The following TPT1 variants were observed in gnomAD, a reference collection of about 807,000 sequenced individuals.
The protein encoded by TPT1 is tumor protein, translationally-controlled 1.
In TPT1, 5 loss-of-function variants were observed where a neutral mutation model predicts 22.8. That is an observed-to-expected ratio of 0.22 (90% confidence interval 0.11 to 0.46). The LOEUF is 0.46. Ranked by LOEUF, TPT1 falls within the 20% of genes least tolerant of loss-of-function variation. TPT1 has a pLI of 0.99. For missense variants in TPT1, 130 were observed against 218.7 expected, an observed-to-expected ratio of 0.59 and a Z score of 2.56; for synonymous variants, 89 against 73.6, an observed-to-expected ratio of 1.21 and a Z score of -1.07.
chr13:45,340,496 T>A, intron 2 of TPT1: 1 of 755,428 alleles, frequency 1.3e-6, no homozygotes, highest in Non-Finnish European at 2.3e-6. Context: ...AAGCATCATG[T>A]CCCGGACAAC....
chr13:45,340,383 A>T, intron 2 of TPT1, 199 bp from the exon 3 acceptor site: 1 of 862,894 alleles, frequency 1.2e-6, no homozygotes, highest in East Asian at 2.6e-5. Context: ...CGGAACAAAA[A>T]ATGGGGTCAT....
intron 1 of TPT1, 127 bp from the exon 2 acceptor site, chr13:45,340,912 G>A (rs1406005546): frequency 2.7e-6 from 4 of 1,508,110 alleles, no homozygotes; most frequent in South Asian, 2.5e-5. Context: ...CGAGCCCCGG[G>A]CACCGACCCC....
rs1878562932 is a variant in TPT1, at chr13:45,334,679, T to C, written c.*2707A>G. On this transcript the variant is annotated 3_prime_UTR_variant, in exon 6 of 6. Transcript: ENST00000530705. The stretch of plus-strand genomic sequence containing the variant: ...CTATCTTTGCCTTAAAAACACATTA[T>C]ACACAATTATTCTATGCTTTTACCC... The C allele has an allele frequency of 1.3e-5, 2 of 152,198 alleles. No individual in the cohort carries two copies. The highest frequency in any genetic ancestry group is 4.1e-4 in the South Asian group (2 of 4,828). 9.4% of individuals were successfully genotyped at this position (152,198 alleles called of 1,614,324 possible).
At position 45,335,229 on chromosome 13, in the gene TPT1, C is replaced by G. The variant is rs1370809416; in HGVS notation, c.*2157G>C. 6.6e-6 allele frequency: 1 copy of G among 152,126 alleles called. No individual in the cohort carries two copies. The highest frequency in any genetic ancestry group is 1.5e-5 in the Non-Finnish European group (1 of 68,030). The allele number at this position is 152,126 out of a possible 1,614,324, so 9.4% of individuals were successfully genotyped here. A position where few individuals can be genotyped will look rare whatever the true frequency, so the allele number is the denominator to read the frequency against. On this transcript the variant is annotated 3_prime_UTR_variant, in exon 6 of 6. Transcript: ENST00000530705. Reference sequence around the variant, plus strand: ...CTGAGAAGATTCTACCTGGAATCTTCAAAGGTTTACCATGAGGTAAACAGC... The same window carrying G: ...CTGAGAAGATTCTACCTGGAATCTTGAAAGGTTTACCATGAGGTAAACAGC...
chr13:45,339,450 C>A, intron 4 of TPT1, 47 bp downstream of exon 4: 3 of 1,521,194 alleles, frequency 2.0e-6, no homozygotes, highest in Non-Finnish European at 2.7e-6. Flanking sequence ...TTTGCTCTTG[C>A]AGTTAAAATT....
intron 4 of TPT1, 24 bp downstream of exon 4, chr13:45,339,473 G>A (rs930014513): frequency 6.3e-7 from 1 of 1,591,250 alleles, no homozygotes; most frequent in Non-Finnish European, 8.6e-7. Context: ...ACAATCCTTT[G>A]ATCCAGATAC....
rs751541731 is a variant in TPT1 at position 45,341,171 on chromosome 13, G to A, written c.-102C>T. ...GAGCGGCGCTCGGGGGGAGGGGGGA[G>A]CGGGCGGAAAAGGCCGACTCAGCCG... On this transcript the variant is annotated 5_prime_UTR_variant, in exon 1 of 6. Transcript: ENST00000530705. The A allele has an allele frequency of 2.6e-6, 4 of 1,533,240 alleles. No homozygotes were observed. Among genetic ancestry groups the A allele is most frequent in the South Asian group, 1.2e-5 (1 of 85,906 alleles). 95.0% of individuals were successfully genotyped at this position (1,533,240 alleles called of 1,614,324 possible). A position where few individuals can be genotyped will look rare whatever the true frequency, so the allele number is the denominator to read the frequency against.
chr13:45,337,713 C>A, intron 5 of TPT1: 1 of 707,622 alleles, frequency 1.4e-6, no homozygotes, highest in Non-Finnish European at 2.5e-6. Context: ...GTCTGAATAA[C>A]CCCTTTGGTA....
rs1878662875 is a variant in TPT1, at chr13:45,336,064, T to C, written c.*1322A>G. The C allele has an allele frequency of 6.6e-6, 1 of 152,228 alleles. No homozygotes were observed. The highest frequency in any genetic ancestry group is 2.4e-5 in the African/African-American group (1 of 41,448). 9.4% of individuals were successfully genotyped at this position (152,228 alleles called of 1,614,324 possible). On this transcript the variant is annotated 3_prime_UTR_variant, in exon 6 of 6. Transcript: ENST00000530705. ...CCCCTCCCAGGCTAGGCCTGCACTT[T>C]GGGAGGCTGAGGTGGGCAGATCTCC...
At chr13:45,340,950 C>A in intron 1 of TPT1, 92 bp downstream of exon 1, 1 of 1,547,670 alleles carries the variant, frequency 6.5e-7, no homozygotes, top group Non-Finnish European at 8.7e-7. Context: ...CCGCCGGCGT[C>A]CCCTAGGCCC....
rs1878595547 is a variant in TPT1, at chr13:45,335,213, T to G, written c.*2173A>C. On this transcript the variant is annotated 3_prime_UTR_variant, in exon 6 of 6. Transcript: ENST00000530705. ...AGACAGTCTTCAAAGTCTGAGAAGATTCTACCTGGAATCTTCAAAGGTTTA... is the reference window on the plus strand; with the variant it reads ...AGACAGTCTTCAAAGTCTGAGAAGAGTCTACCTGGAATCTTCAAAGGTTTA... 6.6e-6 allele frequency: 1 copy of G among 152,220 alleles called. No individual in the cohort carries two copies. The highest frequency in any genetic ancestry group is 6.5e-5 in the Admixed American group (1 of 15,270). 9.4% of individuals were successfully genotyped at this position (152,220 alleles called of 1,614,324 possible). A position where few individuals can be genotyped will look rare whatever the true frequency, so the allele number is the denominator to read the frequency against.
intron 2 of TPT1, 26 bp downstream of exon 2, chr13:45,340,686 C>G (rs765631852): frequency 2.6e-6 from 4 of 1,560,768 alleles, no homozygotes; most frequent in Non-Finnish European, 3.5e-6. Flanking sequence ...CCCGGACTCC[C>G]CCACGCGCAG....
At chr13:45,340,388 G>A (rs535605332) in intron 2 of TPT1, 7 of 854,888 alleles carry the variant, frequency 8.2e-6, no homozygotes, top group Non-Finnish European at 1.3e-5. Context: ...CAAAAAATGG[G>A]GTCATTAAAA....
At position 45,339,507 on chromosome 13, in the gene TPT1, T is replaced by C. The variant is rs1264184518; in HGVS notation, c.389A>G (p.Lys130Arg). ...EQIKHILANF[K>R]NYQFFIGENM... ...ACTTAAGGTATTTACCTGGTAGTTT[T>C]TGAAATTAGCAAGGATGTGCTTGAT... Residue 130 changes from lysine (K) to arginine (R), a missense_variant, in exon 4 of 6, where the codon AAA (lysine) becomes AGA (arginine). By Grantham distance (26) the Lys-to-Arg change is conservative (BLOSUM62 2). Transcript: ENST00000530705. 3.7e-6 allele frequency: 6 copies of C among 1,613,132 alleles called. No homozygotes were observed. Among genetic ancestry groups the C allele is most frequent in the Admixed American group, 3.3e-5 (2 of 59,894 alleles).
At position 45,336,988 on chromosome 13, in the gene TPT1, G is replaced by C. The variant is rs545247028; in HGVS notation, c.*398C>G. 12 of 225,356 alleles carry C rather than the reference G, an allele frequency of 5.3e-5. No individual in the cohort carries two copies. The South Asian group carries it at 7.4e-4, about 14-fold the overall frequency. 14.0% of individuals were successfully genotyped at this position (225,356 alleles called of 1,614,324 possible). A position where few individuals can be genotyped will look rare whatever the true frequency, so the allele number is the denominator to read the frequency against. ...CAGATGTTGGCACTGCTATGAGCAT[G>C]GTCTTTCCCTTTATTGCAACTCAAA... On this transcript the variant is annotated 3_prime_UTR_variant, in exon 6 of 6. Transcript: ENST00000530705.
At position 45,335,843 on chromosome 13, in the gene TPT1, A is replaced by G. The variant is rs1878639296; in HGVS notation, c.*1543T>C. On this transcript the variant is annotated 3_prime_UTR_variant, in exon 6 of 6. Transcript: ENST00000530705. The stretch of plus-strand genomic sequence containing the variant: ...TCACGGGGTGCTGGGGGTTAACATT[A>G]GTATCTGCCTCAGGTTTTGGACACT... 1 of 152,040 alleles carries G rather than the reference A, an allele frequency of 6.6e-6. No individual in the cohort carries two copies. 9.4% of individuals were successfully genotyped at this position (152,040 alleles called of 1,614,324 possible). A position where few individuals can be genotyped will look rare whatever the true frequency, so the allele number is the denominator to read the frequency against.
At position 45,337,380 on chromosome 13, in the gene TPT1, C is replaced by G. The variant is rs770403356; in HGVS notation, c.*6G>C. 6.2e-7 allele frequency: 1 copy of G among 1,613,970 alleles called. No individual in the cohort carries two copies. Among genetic ancestry groups the G allele is most frequent in the East Asian group, 2.2e-5 (1 of 44,880 alleles). ...GGTGATAGATCCAAAATAATTGCCA[C>G]ATTTGTTACTGTAAAAGCAAAAACT... On this transcript the variant is annotated 3_prime_UTR_variant, in exon 6 of 6. Transcript: ENST00000530705.
At chr13:45,338,507 T>C (rs1878865438) in intron 5 of TPT1, 153 bp downstream of exon 5, 1 of 1,399,286 alleles carries the variant, frequency 7.1e-7, no homozygotes, top group Non-Finnish European at 9.4e-7. Flanking sequence ...ATTTTTTACA[T>C]ATGAAACACA....
chr13:45,340,793 A>T lies in TPT1; in HGVS notation c.29-8T>A. ...CGGAGAACATCTCATCGTCTGCCGG[A>T]TACACAGAGCCGCCCATCACCGTGC... On this transcript the variant is annotated splice_region_variant and splice_polypyrimidine_tract_variant and intron_variant, in intron 1 of 5. Coordinates refer to ENST00000530705, the MANE Select transcript of TPT1 (RefSeq NM_003295.4). 6.6e-7 allele frequency: 1 copy of T among 1,513,250 alleles called. No homozygotes were observed. Among genetic ancestry groups the T allele is most frequent in the Non-Finnish European group, 8.8e-7 (1 of 1,131,630 alleles). 93.7% of individuals were successfully genotyped at this position (1,513,250 alleles called of 1,614,324 possible). A position where few individuals can be genotyped will look rare whatever the true frequency, so the allele number is the denominator to read the frequency against.
Sources: gnomAD v4.1 joint callset for allele counts on GRCh38, gnomAD v4.1.1 for gene constraint, MANE v1.5 for transcripts, NCBI Gene and HGNC (gene_info 2026-07-23, HGNC 2026-07-21) for gene names.